The following GDPD3 variants were observed in gnomAD, a reference collection of about 807,000 sequenced individuals.
The protein encoded by GDPD3 is glycerophosphodiester phosphodiesterase domain containing 3, also known as lysophospholipase D GDPD3.
Under a neutral mutation model 43.7 loss-of-function variants are expected in GDPD3, and 40 were observed. That is an observed-to-expected ratio of 0.91 (90% CI 0.71 to 1.19). The LOEUF (loss-of-function observed/expected upper bound fraction) is 1.19, where lower values mean the gene tolerates loss of function less well. GDPD3 is among the 50% of genes most tolerant of loss of function. The pLI, the probability that GDPD3 is intolerant of heterozygous loss-of-function variation, is 0.00. For missense variants in GDPD3, 363 were observed against 415.8 expected, an observed-to-expected ratio of 0.87 and a Z score of 1.11; for synonymous variants, 145 against 162.9, an observed-to-expected ratio of 0.89 and a Z score of 0.84.
At chr16:30,108,544 G>A (rs2151040312) in intron 7 of GDPD3, 112 bp from the exon 8 acceptor site, 1 of 886,580 alleles carries the variant, frequency 1.1e-6, no homozygotes, top group Non-Finnish European at 1.9e-6. Flanking sequence ...CCACCCCCCA[G>A]AATCCCCCAG....
rs761529339 is a variant in GDPD3 at position 30,112,726 on chromosome 16, C to A, written c.250G>T (p.Val84Leu). Residue 84 changes from valine to leucine, a missense_variant, in exon 3 of 10, where the codon GTG becomes TTG. By Grantham distance (32) the Val-to-Leu change is conservative. Coordinates refer to ENST00000406256, the MANE Select transcript of GDPD3 (RefSeq NM_024307.3). The surrounding 1 kb of genome is among the most constrained non-coding windows in gnomAD (Gnocchi z 5.4). ...CQLTRDRVVV[V>L]SHDENLCRQS... The stretch of plus-strand genomic sequence containing the variant: ...CGGCACAGGTTCTCATCATGTGACA[C>A]CACCACCACTCTGTCCCGTGTCAGC... The A allele has an allele frequency of 6.2e-7, 1 of 1,613,402 alleles. No individual in the cohort carries two copies. The highest frequency in any genetic ancestry group is 8.5e-7 in the Non-Finnish European group (1 of 1,179,940).
In GDPD3 at chr16:30,104,956, C is replaced by T. The variant is rs1029295666; in HGVS notation, c.873G>A (p.Val291=). ...EESDFEAAFS[V]GATGVITDYP... is the part of the protein sequence containing the mutation. ...AATCCGTTATGACGCCAGTGGCTCC[C>T]ACGCTGAAGGCTGCTTCAAAATCCG... is the stretch of plus-strand genomic sequence containing the variant. Residue 291 remains valine, a synonymous_variant, in exon 10 of 10, where the codon GTG becomes GTA. Transcript: ENST00000406256. The T allele has an allele frequency of 3.7e-6, 6 of 1,612,780 alleles. No individual in the cohort carries two copies. The African/African-American group carries it at 6.7e-5, about 18-fold the overall frequency.
Position 30,112,169 on chromosome 16 carries a change from G to A in GDPD3, c.536C>T (p.Ser179Leu), listed in dbSNP as rs1166862084. 6.2e-6 allele frequency: 10 copies of A among 1,613,996 alleles called. No homozygotes were observed. Among genetic ancestry groups the A allele is most frequent in the Admixed American group, 1.7e-5 (1 of 59,990 alleles). ...YDRNEITIWASEKSSVMKKCK... is the reference protein window; with the variant it reads ...YDRNEITIWALEKSSVMKKCK... ...TTTCTTCATGACCGAGCTCTTCTCCGAGGCCCAGATGGTGATTTCATTACG... is the reference window on the plus strand; with the variant it reads ...TTTCTTCATGACCGAGCTCTTCTCCAAGGCCCAGATGGTGATTTCATTACG... Residue 179 changes from serine (S) to leucine (L), a missense_variant, in exon 6 of 10, where the codon TCG (serine) becomes TTG (leucine). Transcript: ENST00000406256. The surrounding 1 kb of genome is among the most constrained non-coding windows in gnomAD (Gnocchi z 5.4).
chr16:30,106,701 TTTTA>T (rs759534067), intron 9 of GDPD3, among the ~76,000 whole-genome samples: 5 of 151,862 alleles, frequency 3.3e-5, no homozygotes, highest in Admixed American at 2.6e-4. Context: ...CCAGTTAATA[TTTTA>T]TTTATTTATT....
Position 30,113,506 on chromosome 16 carries a change from G to A in GDPD3, c.-28C>T, listed in dbSNP as rs764648857. 2 of 1,517,796 alleles carry A rather than the reference G, an allele frequency of 1.3e-6. No homozygotes were observed. The highest frequency in any genetic ancestry group is 2.5e-5 in the South Asian group (2 of 78,532). 94.0% of individuals were successfully genotyped at this position (1,517,796 alleles called of 1,614,324 possible). A position where few individuals can be genotyped will look rare whatever the true frequency, so the allele number is the denominator to read the frequency against. On this transcript the variant is annotated 5_prime_UTR_variant, in exon 1 of 10. Transcript: ENST00000406256. The surrounding 1 kb of genome is among the most constrained non-coding windows in gnomAD (Gnocchi z 5.9). ...CCGTACTCCCACAGAAGCTCCTGCAGCCACACGCTCAGCCGTCCGCGGGAC... is the reference window on the plus strand; with the variant it reads ...CCGTACTCCCACAGAAGCTCCTGCAACCACACGCTCAGCCGTCCGCGGGAC...
Position 30,105,019 on chromosome 16 carries a change from G to A in GDPD3, c.820-10C>T. ...GGCACCAAAAGACCACCTGAGCAGG[G>A]AGGGAGGGGGCCTGTAGATTCTGAA... On this transcript the variant is annotated splice_polypyrimidine_tract_variant and intron_variant, in intron 9 of 9. Coordinates refer to ENST00000406256, the MANE Select transcript of GDPD3 (RefSeq NM_024307.3). 1 of 1,595,586 alleles carries A rather than the reference G, an allele frequency of 6.3e-7. No individual in the cohort carries two copies. The highest frequency in any genetic ancestry group is 8.5e-7 in the Non-Finnish European group (1 of 1,171,298).
rs764220968 is a variant in GDPD3, at chr16:30,106,801, G to T, written c.819+1412C>A. On this transcript the variant is annotated intron_variant, in intron 9 of 9. Transcript: ENST00000406256. ...GGCTCACTATAGCCTCCAGCTCCTG[G>T]GTTCAAGTGATTCTCGTGCTTGAGC... 8.0e-4 allele frequency among the ~76,000 whole-genome samples: 122 copies of T among 151,888 alleles called. 1 individual carries two copies. Among genetic ancestry groups the T allele is most frequent in the Non-Finnish European group, 9.1e-4 (62 of 67,952 alleles).
chr16:30,110,548 G>A (rs1024348953), intron 7 of GDPD3: 2 of 151,934 alleles, frequency 1.3e-5, no homozygotes, highest in African/African-American at 4.8e-5. Flanking sequence ...GGAGCAGAGA[G>A]CTCTGGGACT....
chr16:30,111,759 C>G, intron 6 of GDPD3: 1 of 544,292 alleles, frequency 1.8e-6, no homozygotes, highest in Non-Finnish European at 3.3e-6. Flanking sequence ...ATGGTAAAAC[C>G]CCATCTCTAC....
At position 30,112,479 on chromosome 16, in the gene GDPD3, A is replaced by C; in HGVS notation, c.364+44T>G. 3.1e-6 allele frequency: 5 copies of C among 1,613,970 alleles called. No individual in the cohort carries two copies. Among genetic ancestry groups the C allele is most frequent in the South Asian group, 2.2e-5 (2 of 91,076 alleles). ...GGGAAGCCAAGGCGGAGGTCCAAGGAAGGCAGGCATGGCCCAGGCAGGGCT... is the reference window on the plus strand; with the variant it reads ...GGGAAGCCAAGGCGGAGGTCCAAGGCAGGCAGGCATGGCCCAGGCAGGGCT... On this transcript the variant is annotated intron_variant, in intron 4 of 9. Coordinates refer to ENST00000406256, the MANE Select transcript of GDPD3 (RefSeq NM_024307.3). The surrounding 1 kb of genome is among the most constrained non-coding windows in gnomAD (Gnocchi z 5.4).
rs1692287939 is a variant in GDPD3 at position 30,113,182 on chromosome 16, GC to G, written c.140-119del. The G allele has an allele frequency of 7.4e-7, 1 of 1,353,154 alleles. No homozygotes were observed. Among genetic ancestry groups the G allele is most frequent in the Non-Finnish European group, 1.0e-6 (1 of 977,806 alleles). The allele number at this position is 1,353,154 out of a possible 1,614,324, so 83.8% of individuals were successfully genotyped here. A position where few individuals can be genotyped will look rare whatever the true frequency, so the allele number is the denominator to read the frequency against. ...CCCTCTGGCCTCACCTCCCCAGCCA[GC>G]CCAGGCTGCGCCAGCATCTTCTTCC... On this transcript the variant is annotated intron_variant, in intron 1 of 9. Transcript: ENST00000406256. This position sits in a 1 kb window ranked among gnomAD's most constrained non-coding sequence, Gnocchi z 5.9.
At chr16:30,110,489 A>G (rs2072891283) in intron 7 of GDPD3, 1 of 152,132 alleles carries the variant, frequency 6.6e-6, no homozygotes, top group Non-Finnish European at 1.5e-5. Context: ...ATCTCTTTGT[A>G]GCAAGGTATT....
At chr16:30,106,079 CTA>C (rs1365402164) in intron 9 of GDPD3, among the ~76,000 whole-genome samples, 1 of 152,040 alleles carries the variant, frequency 6.6e-6, no homozygotes, top group African/African-American at 2.4e-5. Context: ...CCATTGCACT[CTA>C]GCCTGGGCAA....
intron 9 of GDPD3, among the ~76,000 whole-genome samples, chr16:30,106,403 G>C (rs2072861204): frequency 6.6e-6 from 1 of 152,146 alleles, no homozygotes; most frequent in Non-Finnish European, 1.5e-5. Context: ...CTGAGAGCTA[G>C]TTGTTGACCA....
At chr16:30,111,303 TG>T in intron 7 of GDPD3, 84 bp downstream of exon 7, 2 of 1,462,158 alleles carry the variant, frequency 1.4e-6, no homozygotes, top group Non-Finnish European at 1.9e-6. Context: ...TGAGGGGAGC[TG>T]GGGAGCTGGG....
intron 9 of GDPD3, among the ~76,000 whole-genome samples, chr16:30,107,305 A>G (rs973784550): frequency 3.7e-4 from 56 of 152,032 alleles, no homozygotes; most frequent in African/African-American, 8.4e-4. Context: ...CGAGGGTCTC[A>G]GTATGTTGCC....
At chr16:30,108,980 C>T (rs56060058) in intron 7 of GDPD3, among the ~76,000 whole-genome samples, 56,718 of 151,464 alleles carry the variant, frequency 0.37, 11,149 homozygotes, top group East Asian at 0.66. Context: ...TACAGGTGCC[C>T]GCCACCACGC....
At chr16:30,111,975 G>A (rs1302167346) in intron 6 of GDPD3, 157 bp downstream of exon 6, 4 of 619,962 alleles carry the variant, frequency 6.5e-6, no homozygotes, top group Admixed American at 2.9e-5. Context: ...CTCTGTGTTC[G>A]AGGCCTGAGT....
At chr16:30,109,290 G>T (rs1022918563) in intron 7 of GDPD3, among the ~76,000 whole-genome samples, 4 of 152,212 alleles carry the variant, frequency 2.6e-5, no homozygotes, top group African/African-American at 9.6e-5. Flanking sequence ...GCAGCACTTT[G>T]AAAGTCTGAG....
Sources: gnomAD v4.1 joint callset for allele counts (sites outside exome capture counted in the v4.1 genomes callset) on GRCh38, gnomAD v4.1.1 for gene constraint, Gnocchi (gnomAD v3.1) non-coding constraint, MANE v1.5 for transcripts, NCBI Gene and HGNC (gene_info 2026-07-23, HGNC 2026-07-21) for gene names.